TCF20: variants seen among roughly 807,000 people sequenced by gnomAD.
The protein encoded by TCF20 is SPRE-binding protein.
Under a neutral mutation model 148.6 loss-of-function variants are expected in TCF20, and 3 were observed. The ratio of observed to expected loss-of-function variants is 0.02; its 90% CI spans 0.01 to 0.05. The LOEUF (loss-of-function observed/expected upper bound fraction) is 0.05, where lower values mean the gene tolerates loss of function less well. TCF20 is among the 10% of genes least tolerant of loss of function. The pLI is 1.00. For missense variants in TCF20, 2,350 were observed against 2,429.3 expected (o/e 0.97, Z 0.69); for synonymous variants, 1,049 against 909.5 (o/e 1.15, Z -2.76).
intron 1 of TCF20, among the ~76,000 whole-genome samples, chr22:42,281,311 A>G (rs1056806188): frequency 6.6e-6 from 1 of 152,176 alleles, no homozygotes; most frequent in Non-Finnish European, 1.5e-5. Context: ...CCAGCTTTGC[A>G]AGATCCTGAA....
rs1481244233 is a variant in TCF20 at position 42,299,238 on chromosome 22, G to A, written c.-37+44241C>T. ...GCAAGAGCAACCAGTGAGCCCAGAG[G>A]ACAATCACAGGGAGGACGGCGGCAA... On this transcript the variant is annotated intron_variant, in intron 1 of 1. Transcript: ENST00000515426. This position sits in a 1 kb window ranked among gnomAD's most constrained non-coding sequence, Gnocchi z 4.1. Among the ~76,000 whole-genome samples, 1 of 152,176 alleles carries A rather than the reference G, an allele frequency of 6.6e-6. No homozygotes were observed. Among genetic ancestry groups the A allele is most frequent in the East Asian group, 1.9e-4 (1 of 5,192 alleles).
chr22:42,194,777 C>T (rs1220858906), intron 2 of TCF20, among the ~76,000 whole-genome samples: 2 of 151,954 alleles, frequency 1.3e-5, no homozygotes, highest in Non-Finnish European at 2.9e-5. Context: ...CCCTGCCACT[C>T]ACGCTTCAAA....
intron 1 of TCF20, among the ~76,000 whole-genome samples, 142 bp downstream of exon 1, chr22:42,270,197 T>G (rs1177462624): frequency 6.6e-6 from 1 of 151,354 alleles, no homozygotes; most frequent in East Asian, 2.0e-4. Flanking sequence ...AAGCCCTGAC[T>G]CGGAGTCCAG....
chr22:42,312,173 G>A lies in TCF20; in HGVS notation c.-37+31306C>T, dbSNP rs6002680. 1.9e-3 allele frequency among the ~76,000 whole-genome samples: 287 copies of A among 152,310 alleles called. 2 individuals are homozygous for A. The highest frequency in any genetic ancestry group is 6.6e-3 in the African/African-American group (276 of 41,554). ...CAGAAGAAGGGCACTCTCCAATGCC[G>A]AGAAGGTGCCATCATGGATGAGTGA... On this transcript the variant is annotated intron_variant, in intron 1 of 1. Transcript: ENST00000515426.
intron 1 of TCF20, among the ~76,000 whole-genome samples, chr22:42,241,926 C>A (rs1304782828): frequency 6.6e-6 from 1 of 151,724 alleles, no homozygotes; most frequent in Non-Finnish European, 1.5e-5. Context: ...AGAAAAAAAA[C>A]ACTTGTAATG....
intron 1 of TCF20, among the ~76,000 whole-genome samples, chr22:42,240,891 T>TC (rs997948598): frequency 6.6e-6 from 1 of 150,874 alleles, no homozygotes; most frequent in African/African-American, 2.4e-5. Flanking sequence ...TCTTGCTCTG[T>TC]CCCCCCCAGG....
At chr22:42,312,262 C>T (rs781343080) in intron 1 of TCF20, among the ~76,000 whole-genome samples, 40 of 152,146 alleles carry the variant, frequency 2.6e-4, no homozygotes, top group Admixed American at 5.9e-4. Context: ...CTGACTGGTC[C>T]CCCAGTAGTC....
intron 1 of TCF20, among the ~76,000 whole-genome samples, chr22:42,250,343 G>A (rs1006764044): frequency 2.0e-5 from 3 of 151,162 alleles, no homozygotes; most frequent in Admixed American, 6.6e-5. Flanking sequence ...CTACTTGGAA[G>A]GCTGAGGCAG....
intron 1 of TCF20, among the ~76,000 whole-genome samples, chr22:42,233,141 C>G (rs940984574): frequency 1.3e-5 from 2 of 152,060 alleles, no homozygotes; most frequent in South Asian, 4.1e-4. Flanking sequence ...AGACTGGTCT[C>G]GGACTCCTGA....
intron 1 of TCF20, among the ~76,000 whole-genome samples, chr22:42,293,080 G>A (rs1451540098): frequency 6.6e-6 from 1 of 152,110 alleles, no homozygotes; most frequent in Non-Finnish European, 1.5e-5. Context: ...TCCTGGCCAG[G>A]CCCAAGCCCA....
rs1030947386 is a variant in TCF20 at position 42,317,768 on chromosome 22, C to T, written c.-37+25711G>A. Among the ~76,000 whole-genome samples, 1 of 152,168 alleles carries T rather than the reference C, an allele frequency of 6.6e-6. No homozygotes were observed. Among genetic ancestry groups the T allele is most frequent in the Non-Finnish European group, 1.5e-5 (1 of 68,018 alleles). ...GAAGGGAGCCGAGGTGGGCACAGGG[C>T]GATCCCTCCCTCACAACGCTACAGA... On this transcript the variant is annotated intron_variant, in intron 1 of 1. Coordinates refer to the TCF20 transcript ENST00000515426. The surrounding 1 kb of genome is among the most constrained non-coding windows in gnomAD (Gnocchi z 4.2).
chr22:42,295,864 C>G (rs933351017), intron 1 of TCF20, among the ~76,000 whole-genome samples: 2 of 152,166 alleles, frequency 1.3e-5, no homozygotes, highest in South Asian at 4.1e-4. Flanking sequence ...AGCCTTCAGC[C>G]CCAACCCATA....
chr22:42,339,372 T>C (rs1413322097), intron 1 of TCF20, among the ~76,000 whole-genome samples: 1 of 152,178 alleles, frequency 6.6e-6, no homozygotes, highest in Non-Finnish European at 1.5e-5. Flanking sequence ...AATCCAAAAC[T>C]ACTCACTTTT....
intron 1 of TCF20, among the ~76,000 whole-genome samples, chr22:42,239,665 G>A (rs1193888249): frequency 2.0e-5 from 3 of 152,082 alleles, no homozygotes; most frequent in Non-Finnish European, 4.4e-5. Context: ...GTGCACACCT[G>A]TAATCCCAGC....
At chr22:42,209,434 T>C (rs1920923309) in intron 2 of TCF20, among the ~76,000 whole-genome samples, 1 of 152,192 alleles carries the variant, frequency 6.6e-6, no homozygotes, top group Non-Finnish European at 1.5e-5. Context: ...AATATAATAA[T>C]ATGCTTCATA....
intron 1 of TCF20, among the ~76,000 whole-genome samples, chr22:42,253,118 C>T (rs1222219202): frequency 6.6e-6 from 1 of 152,034 alleles, no homozygotes. Flanking sequence ...TTATAAGTGG[C>T]AAAAGAAAAA....
chr22:42,300,304 G>C (rs1022438005), intron 1 of TCF20, among the ~76,000 whole-genome samples: 2 of 152,050 alleles, frequency 1.3e-5, no homozygotes, highest in East Asian at 1.9e-4. Context: ...GTGAGAGCTC[G>C]TGGCTGGGCC....
intron 3 of TCF20, among the ~76,000 whole-genome samples, chr22:42,171,732 A>G (rs1274518150): frequency 6.6e-6 from 1 of 152,200 alleles, no homozygotes; most frequent in Non-Finnish European, 1.5e-5. Flanking sequence ...AGCTCAGGGG[A>G]TATGCTCTCT....
At chr22:42,219,330 AC>A (rs1292852673) in intron 1 of TCF20, among the ~76,000 whole-genome samples, 2 of 132,292 alleles carry the variant, frequency 1.5e-5, no homozygotes, top group Admixed American at 1.7e-4. Context: ...AATGTGCTCC[AC>A]CCTGGGTGAC....
Sources: gnomAD v4.1 joint callset for allele counts (sites outside exome capture counted in the v4.1 genomes callset) on GRCh38, gnomAD v4.1.1 for gene constraint, Gnocchi (gnomAD v3.1) non-coding constraint, MANE v1.5 for transcripts, NCBI Gene and HGNC (gene_info 2026-07-23, HGNC 2026-07-21) for gene names.